ARHGAP29: variants seen among roughly 807,000 people sequenced by gnomAD.
ARHGAP29 encodes rho GTPase-activating protein 29.
A neutral mutation model predicts 122.6 loss-of-function variants in ARHGAP29; 43 were observed. The ratio of observed to expected loss-of-function variants is 0.35; its 90% CI spans 0.27 to 0.45. ARHGAP29 has a LOEUF of 0.45. ARHGAP29 is among the 20% of genes least tolerant of loss of function. The pLI is 1.00. For synonymous variants in ARHGAP29, 506 were observed against 497.1 expected, an observed-to-expected ratio of 1.02 and a Z score of -0.24; for missense variants, 1,303 against 1,477.2, an observed-to-expected ratio of 0.88 and a Z score of 1.93.
chr1:94,237,639 CCCCGCCCCCTGGAGCCCAGCCCATTGG>C, upstream of ARHGAP29: 3 of 986,860 alleles, frequency 3.0e-6, no homozygotes, highest in Non-Finnish European at 3.6e-6. Flanking sequence ...CGCCCGCCAG[CCCCGCCCCCTGGAGCCCAGCCCATTGG>C]CCCGCGCTCC....
intron 12 of ARHGAP29, among the ~76,000 whole-genome samples, chr1:94,196,324 C>T (rs1650470990): frequency 7.4e-6 from 1 of 134,410 alleles, no homozygotes; most frequent in South Asian, 2.4e-4. Flanking sequence ...TGCAGTGGCG[C>T]GATCTCGGCT....
At chr1:94,258,763 T>C (rs1208637853) in intron 1 of ARHGAP29, among the ~76,000 whole-genome samples, 1 of 152,230 alleles carries the variant, frequency 6.6e-6, no homozygotes, top group Non-Finnish European at 1.5e-5. Flanking sequence ...AAGGAAGATA[T>C]TATGATCTCC....
intron 1 of ARHGAP29, among the ~76,000 whole-genome samples, chr1:94,268,800 T>G (rs923049347): frequency 6.6e-6 from 1 of 152,064 alleles, no homozygotes; most frequent in Admixed American, 6.6e-5. Flanking sequence ...GATATATATA[T>G]ATATATGTGC....
At chr1:94,201,677 G>A in intron 12 of ARHGAP29, 43 bp downstream of exon 12, 1 of 1,609,634 alleles carries the variant, frequency 6.2e-7, no homozygotes, top group Non-Finnish European at 8.5e-7. Flanking sequence ...CTTGCCTGAT[G>A]GTCTTTTCTT....
At chr1:94,213,514 A>C (rs1651783962) in intron 3 of ARHGAP29, among the ~76,000 whole-genome samples, 1 of 152,184 alleles carries the variant, frequency 6.6e-6, no homozygotes, top group Admixed American at 6.5e-5. Context: ...ACCAGGTAGT[A>C]AATATTTTAC....
At chr1:94,276,555 C>T (rs1037449245), upstream of ARHGAP29, among the ~76,000 whole-genome samples, 6 of 151,222 alleles carry the variant, frequency 4.0e-5, no homozygotes, top group Middle Eastern at 3.2e-3. Flanking sequence ...CTGAGGCAGG[C>T]GGATCACTTT....
intron 1 of ARHGAP29, among the ~76,000 whole-genome samples, chr1:94,268,061 CAA>C (rs553319525): frequency 6.6e-6 from 1 of 151,884 alleles, no homozygotes; most frequent in Non-Finnish European, 1.5e-5. Flanking sequence ...TTCTGATAAA[CAA>C]AAAAACTAGT....
chr1:94,185,968 T>TATTCC (rs1649777821), intron 16 of ARHGAP29, among the ~76,000 whole-genome samples: 1 of 152,218 alleles, frequency 6.6e-6, no homozygotes, highest in Non-Finnish European at 1.5e-5. Flanking sequence ...GGAGGTCACA[T>TATTCC]ATTCCATTAA....
In ARHGAP29 at chr1:94,173,815, A is replaced by G; in HGVS notation, c.*54T>C. 2 of 1,534,154 alleles carry G rather than the reference A, an allele frequency of 1.3e-6. No individual in the cohort carries two copies. The highest frequency in any genetic ancestry group is 1.8e-6 in the Non-Finnish European group (2 of 1,141,944). On this transcript the variant is annotated 3_prime_UTR_variant, in exon 23 of 23. Coordinates refer to ENST00000260526, the MANE Select transcript of ARHGAP29 (RefSeq NM_004815.4). ...CAAAACATTCTTTCACAAAACAAGCACAATACCACAAAATAACACAACAAC... is the reference window on the plus strand; with the variant it reads ...CAAAACATTCTTTCACAAAACAAGCGCAATACCACAAAATAACACAACAAC...
At chr1:94,228,700 T>C (rs558766826) in intron 2 of ARHGAP29, among the ~76,000 whole-genome samples, 2 of 151,890 alleles carry the variant, frequency 1.3e-5, no homozygotes, top group Non-Finnish European at 3.0e-5. Flanking sequence ...CTCTGTAAAA[T>C]GAAAAGCGCC....
At chr1:94,206,722 C>T (rs1023146896) in intron 5 of ARHGAP29, among the ~76,000 whole-genome samples, 2 of 151,722 alleles carry the variant, frequency 1.3e-5, no homozygotes, top group Admixed American at 6.6e-5. Context: ...CATGGAGAAA[C>T]CCCATCTCTA....
Position 94,205,094 on chromosome 1 carries a change from T to C in ARHGAP29, c.664A>G (p.Ile222Val). The change falls in exon 7 of 23, where the codon ATA becomes GTA. Residue 222 changes from isoleucine to valine, a missense_variant. Ile to Val is a conservative substitution (Grantham distance 29). This residue lies in a region of ARHGAP29 where 592 missense variants were observed against 648.2 expected (regional missense o/e 0.91). Transcript: ENST00000260526. ...AKTWSKYTKN[I>V]VSWVEKKLNL... ...AGCTTTTTTTCAACCCATGAAACTA[T>C]GTTCTTAGTATATTTTGACCAAGTT... 6.3e-7 allele frequency: 1 copy of C among 1,599,044 alleles called. No individual in the cohort carries two copies. The highest frequency in any genetic ancestry group is 8.5e-7 in the Non-Finnish European group (1 of 1,174,790).
chr1:94,171,431 T>C lies in ARHGAP29; in HGVS notation c.*2438A>G, dbSNP rs1648732046. On this transcript the variant is annotated 3_prime_UTR_variant, in exon 23 of 23. Transcript: ENST00000260526. ...TTCTGAGTCGTTTGGACAATACGCA[T>C]CATCTTGGACAATACGCCTCCCACA... is the stretch of plus-strand genomic sequence containing the variant. Among the ~76,000 whole-genome samples, 1 of 152,132 alleles carries C rather than the reference T, an allele frequency of 6.6e-6. No individual in the cohort carries two copies. Among genetic ancestry groups the C allele is most frequent in the Non-Finnish European group, 1.5e-5 (1 of 68,018 alleles).
At chr1:94,297,338 C>A in the ARHGAP29 span, among the ~76,000 whole-genome samples, 7 of 152,150 alleles carry the variant, frequency 4.6e-5, no homozygotes, top group Non-Finnish European at 8.8e-5. Context: ...TTATTCAATT[C>A]TTAATATTTT....
chr1:94,253,176 G>A (rs149954891), intron 1 of ARHGAP29, among the ~76,000 whole-genome samples: 3,874 of 152,090 alleles, frequency 0.025, 172 homozygotes, highest in African/African-American at 0.089. Context: ...TCACTGTGTT[G>A]GCCAGGATGG....
At chr1:94,183,766 A>T (rs1649624793) in intron 19 of ARHGAP29, among the ~76,000 whole-genome samples, 1 of 152,180 alleles carries the variant, frequency 6.6e-6, no homozygotes, top group Non-Finnish European at 1.5e-5. Context: ...CTTTCAAGTC[A>T]ATTTTCCAAA....
At chr1:94,311,243 A>G in the ARHGAP29 span, among the ~76,000 whole-genome samples, 1 of 152,214 alleles carries the variant, frequency 6.6e-6, no homozygotes, top group Non-Finnish European at 1.5e-5. Flanking sequence ...TCTAAGCCAC[A>G]TTTCCCAGCT....
At position 94,185,476 on chromosome 1, in the gene ARHGAP29, T is replaced by G; in HGVS notation, c.1786A>C (p.Asn596His). The G allele has an allele frequency of 6.2e-7, 1 of 1,603,256 alleles. No homozygotes were observed. The highest frequency in any genetic ancestry group is 2.2e-5 in the East Asian group (1 of 44,642). Reference sequence around the variant, plus strand: ...GTTTTCTTAAATGTTCCAAGGGAATTGGGTCCTTGCAAGAGAAATAATTTA... The same window carrying G: ...GTTTTCTTAAATGTTCCAAGGGAATGGGGTCCTTGCAAGAGAAATAATTTA... ...EPPSPSETGP[N>H]SLGTFKKTLM... Residue 596 changes from asparagine to histidine, a missense_variant, in exon 17 of 23, where the codon AAT becomes CAT. Physicochemically the swap from Asn to His is moderately conservative, Grantham distance 68. Coordinates refer to ENST00000260526, the MANE Select transcript of ARHGAP29 (RefSeq NM_004815.4).
At chr1:94,291,627 G>T in the ARHGAP29 span, among the ~76,000 whole-genome samples, 1 of 152,168 alleles carries the variant, frequency 6.6e-6, no homozygotes, top group African/African-American at 2.4e-5. Context: ...TCCTTCAGGG[G>T]CTCTTGTAAG....
Sources: allele counts gnomAD v4.1 joint callset (sites outside exome capture counted in the v4.1 genomes callset), GRCh38; gene constraint gnomAD v4.1.1; regional missense constraint gnomAD v4.1.1; transcripts MANE v1.5; gene names NCBI Gene and HGNC (gene_info 2026-07-23, HGNC 2026-07-21).